NAALADL2: variants seen among roughly 807,000 people sequenced by gnomAD.
NAALADL2 encodes inactive N-acetylated-alpha-linked acidic dipeptidase-like protein 2.
In NAALADL2, 76 loss-of-function variants were observed where a neutral mutation model predicts 87.2. That is an observed-to-expected ratio of 0.87 (90% CI 0.72 to 1.05). The LOEUF is 1.05. Among genes scored for constraint, NAALADL2 ranks in the 50% least tolerant of loss-of-function variants. NAALADL2 has a pLI of 0.00. For missense variants in NAALADL2, 1,089 were observed against 945.8 expected (o/e 1.15, Z -1.99); for synonymous variants, 354 against 331.0 (o/e 1.07, Z -0.75).
At chr3:175,190,509 G>A (rs901816276) in intron 2 of NAALADL2, among the ~76,000 whole-genome samples, 1 of 152,140 alleles carries the variant, frequency 6.6e-6, no homozygotes, top group African/African-American at 2.4e-5. Context: ...ACTCACACCT[G>A]TTAGGATGTC....
intron 1 of NAALADL2, chr3:174,458,475 T>G (rs1001823259): frequency 6.6e-6 from 1 of 152,250 alleles, no homozygotes; most frequent in African/African-American, 2.4e-5. Flanking sequence ...TTTCCTTTTC[T>G]TTCCCTCTCC....
At chr3:175,391,948 A>G (rs1359209850) in intron 5 of NAALADL2, among the ~76,000 whole-genome samples, 8 of 152,186 alleles carry the variant, frequency 5.3e-5, no homozygotes, top group Non-Finnish European at 2.9e-5. Context: ...AGTGTTTCAC[A>G]TATATTTATA....
intron 2 of NAALADL2, among the ~76,000 whole-genome samples, chr3:175,149,626 GA>G (rs61518866): frequency 1.2e-4 from 18 of 152,252 alleles, no homozygotes; most frequent in African/African-American, 3.1e-4. Flanking sequence ...GATAATTCAT[GA>G]CACACTTTTG....
At chr3:175,561,676 A>G (rs1354231473) in intron 9 of NAALADL2, among the ~76,000 whole-genome samples, 1 of 152,144 alleles carries the variant, frequency 6.6e-6, no homozygotes, top group Non-Finnish European at 1.5e-5. Flanking sequence ...TGTAGATCTT[A>G]TAAACATGCC....
At chr3:175,299,195 G>A (rs1756730914) in intron 4 of NAALADL2, among the ~76,000 whole-genome samples, 1 of 152,142 alleles carries the variant, frequency 6.6e-6, no homozygotes, top group Non-Finnish European at 1.5e-5. Context: ...TTTGAAGTCA[G>A]GTAGCGTGAT....
At chr3:174,645,286 T>C (rs907293441) in intron 2 of NAALADL2, among the ~76,000 whole-genome samples, 5 of 152,324 alleles carry the variant, frequency 3.3e-5, no homozygotes, top group African/African-American at 9.6e-5. Context: ...AATAAACAAT[T>C]GAAATACTGC....
chr3:175,731,515 G>A (rs983990900), intron 11 of NAALADL2, among the ~76,000 whole-genome samples: 4 of 152,168 alleles, frequency 2.6e-5, no homozygotes, highest in Non-Finnish European at 5.9e-5. Flanking sequence ...TGAAAAGAAT[G>A]AGGCCTCATA....
chr3:174,492,139 G>A (rs914337250), intron 1 of NAALADL2, among the ~76,000 whole-genome samples: 3 of 151,808 alleles, frequency 2.0e-5, no homozygotes, highest in African/African-American at 7.3e-5. Context: ...GTGTGGTGGC[G>A]GGTGCCTGTA....
intron 2 of NAALADL2, among the ~76,000 whole-genome samples, chr3:174,691,818 A>C (rs905893582): frequency 6.6e-6 from 1 of 152,228 alleles, no homozygotes; most frequent in Non-Finnish European, 1.5e-5. Flanking sequence ...CTTCAGAAGT[A>C]GTAGGTTTCA....
chr3:175,349,916 G>A (rs1763572436), intron 5 of NAALADL2, among the ~76,000 whole-genome samples: 1 of 152,016 alleles, frequency 6.6e-6, no homozygotes, highest in South Asian at 2.1e-4. Context: ...AAAGTTGGAT[G>A]ACTGTTTATT....
At chr3:175,555,093 C>A (rs746661150) in intron 9 of NAALADL2, among the ~76,000 whole-genome samples, 23 of 152,096 alleles carry the variant, frequency 1.5e-4, no homozygotes, top group Non-Finnish European at 3.2e-4. Context: ...TGAGCCAAGA[C>A]CCTATCTATT....
intron 2 of NAALADL2, chr3:175,112,397 A>T (rs969791908): frequency 6.6e-6 from 1 of 151,684 alleles, no homozygotes; most frequent in African/African-American, 2.4e-5. Context: ...GACAACTAAG[A>T]TAATACTTTT....
chr3:175,650,467 A>G (rs1024318897), intron 11 of NAALADL2, among the ~76,000 whole-genome samples: 4 of 152,206 alleles, frequency 2.6e-5, no homozygotes, highest in African/African-American at 9.6e-5. Context: ...AATAGTATAC[A>G]TGCAATGGAT....
intron 11 of NAALADL2, among the ~76,000 whole-genome samples, chr3:175,727,509 T>G (rs892258229): frequency 4.6e-5 from 7 of 152,192 alleles, no homozygotes; most frequent in African/African-American, 1.7e-4. Flanking sequence ...ACAACCCTTC[T>G]CCTTGAAGCA....
chr3:174,705,710 G>A lies in NAALADL2; in HGVS notation c.-114-31931G>A, dbSNP rs1247672867. 5.3e-5 allele frequency among the ~76,000 whole-genome samples: 8 copies of A among 150,778 alleles called. No individual in the cohort carries two copies. The East Asian group carries it at 1.6e-3, about 30-fold the overall frequency. Reference sequence around the variant, plus strand: ...AGGCAGGAGAATGGCGTGAACCCGGGAGGCGGAGCTTGCAGTGAGCCGAGA... The same window carrying A: ...AGGCAGGAGAATGGCGTGAACCCGGAAGGCGGAGCTTGCAGTGAGCCGAGA... On this transcript the variant is annotated intron_variant, in intron 2 of 3. Transcript: ENST00000434257.
At chr3:174,708,550 T>A (rs754651576) in intron 2 of NAALADL2, among the ~76,000 whole-genome samples, 16 of 152,208 alleles carry the variant, frequency 1.1e-4, no homozygotes, top group Non-Finnish European at 2.2e-4. Context: ...GAACTCATAA[T>A]TATAAAATTA....
chr3:175,071,263 G>C (rs1421137957), intron 1 of NAALADL2, among the ~76,000 whole-genome samples: 2 of 152,006 alleles, frequency 1.3e-5, no homozygotes, highest in South Asian at 2.1e-4. Flanking sequence ...TTTCAGCTCT[G>C]TTTTTATTTC....
At chr3:175,558,292 A>G (rs897315450) in intron 9 of NAALADL2, among the ~76,000 whole-genome samples, 2 of 149,682 alleles carry the variant, frequency 1.3e-5, no homozygotes, top group Admixed American at 1.3e-4. Context: ...TTTTTTCCCT[A>G]TAGATTTGTT....
rs1476423276 is a variant in NAALADL2 at position 175,234,188 on chromosome 3, C to T, written c.803C>T (p.Ala268Val). 2 of 1,613,466 alleles carry T rather than the reference C, an allele frequency of 1.2e-6. No homozygotes were observed. Among genetic ancestry groups the T allele is most frequent in the Admixed American group, 1.7e-5 (1 of 59,934 alleles). Reference sequence around the variant, plus strand: ...CTCTATTCATATGCAGCCTATTCTGCCAAAGGAACTCTCAAGGTAATATGA... The same window carrying T: ...CTCTATTCATATGCAGCCTATTCTGTCAAAGGAACTCTCAAGGTAATATGA... Reference protein sequence around the residue: ...DLLYSYAAYSAKGTLKAEVID... With the variant: ...DLLYSYAAYSVKGTLKAEVID... The change falls in exon 3 of 14, where the codon GCC (alanine) becomes GTC (valine). Residue 268 changes from alanine to valine, a missense_variant. By Grantham distance (64) the Ala-to-Val change is moderately conservative. Transcript: ENST00000454872.
Sources: gnomAD v4.1 joint callset for allele counts (sites outside exome capture counted in the v4.1 genomes callset) on GRCh38, gnomAD v4.1.1 for gene constraint, MANE v1.5 for transcripts, NCBI Gene and HGNC (gene_info 2026-07-23, HGNC 2026-07-21) for gene names.